The following RPIA variants were observed in gnomAD, a reference collection of about 807,000 sequenced individuals.
RPIA encodes ribose 5-phosphate isomerase A, also known as ribose-5-phosphate isomerase.
A neutral mutation model predicts 37.8 loss-of-function variants in RPIA; 29 were observed. The ratio of observed to expected loss-of-function variants is 0.77; its 90% confidence interval spans 0.57 to 1.05. RPIA has a LOEUF of 1.05. Ranked by LOEUF, RPIA falls within the 50% of genes least tolerant of loss-of-function variation. RPIA has a pLI of 0.00. For synonymous variants in RPIA, 167 were observed against 157.0 expected, an observed-to-expected ratio of 1.06 and a Z score of -0.48; for missense variants, 385 against 413.6, an observed-to-expected ratio of 0.93 and a Z score of 0.60.
intron 3 of RPIA, among the ~76,000 whole-genome samples, chr2:88,711,299 A>G (rs1019161695): frequency 2.0e-5 from 3 of 152,238 alleles, no homozygotes; most frequent in Non-Finnish European, 4.4e-5. Flanking sequence ...TATACGTTTT[A>G]GGGAAACATA....
chr2:88,735,559 T>A (rs779501723), intron 5 of RPIA, 110 bp from the exon 6 acceptor site: 9 of 986,264 alleles, frequency 9.1e-6, no homozygotes, highest in African/African-American at 3.2e-5. Context: ...AAAAGTTAAG[T>A]TTCTCTTTAA....
intron 4 of RPIA, 75 bp from the exon 5 acceptor site, chr2:88,734,477 G>C: frequency 7.4e-7 from 1 of 1,358,750 alleles, no homozygotes; most frequent in Admixed American, 1.7e-5. Context: ...TATCTGATGA[G>C]CTATCGCATG....
intron 3 of RPIA, among the ~76,000 whole-genome samples, chr2:88,704,723 G>A (rs1002069286): frequency 2.6e-5 from 4 of 152,140 alleles, no homozygotes; most frequent in African/African-American, 9.7e-5. Flanking sequence ...TTCTGGCCGG[G>A]GCCATCAGGC....
chr2:88,726,366 ATT>A (rs558180365), intron 3 of RPIA, among the ~76,000 whole-genome samples: 1 of 146,162 alleles, frequency 6.8e-6, no homozygotes. Flanking sequence ...TTTTTTTGTG[ATT>A]TTTTTTTTTT....
chr2:88,691,682 C>G lies in RPIA; in HGVS notation c.-17C>G, dbSNP rs776488875. ...CCGGGGGCGGGACTTCAGCGGAGGC[C>G]GGAGCGAGGCGTCGGGATGCAGCGC... On this transcript the variant is annotated 5_prime_UTR_variant, in exon 1 of 9. Coordinates refer to ENST00000283646, the MANE Select transcript of RPIA (RefSeq NM_144563.3). 5.4e-5 allele frequency: 85 copies of G among 1,567,238 alleles called. 1 individual carries two copies. Among genetic ancestry groups the G allele is most frequent in the Middle Eastern group, 2.3e-4 (1 of 4,288 alleles).
At chr2:88,695,794 A>G (rs1369057556) in intron 1 of RPIA, among the ~76,000 whole-genome samples, 3 of 152,198 alleles carry the variant, frequency 2.0e-5, no homozygotes, top group Non-Finnish European at 4.4e-5. Context: ...GTGCCTTTGG[A>G]ACTGTGAGCT....
In RPIA at chr2:88,736,598, G is replaced by A; in HGVS notation, c.660G>A (p.Met220Ile). Reference protein sequence around the residue: ...HKGIPIEVIPMAYVPVSRAVS... With the variant: ...HKGIPIEVIPIAYVPVSRAVS... Reference sequence around the variant, plus strand: ...GAATCCCCATCGAGGTCATCCCAATGGCCTATGTCCCAGTGAGCCGAGCTG... The same window carrying A: ...GAATCCCCATCGAGGTCATCCCAATAGCCTATGTCCCAGTGAGCCGAGCTG... Residue 220 changes from methionine (M) to isoleucine (I), a missense_variant, in exon 7 of 9, where the codon ATG (methionine) becomes ATA (isoleucine). This residue lies in a region of RPIA where 153 missense variants were observed against 210.6 expected (regional missense o/e 0.73). Transcript: ENST00000283646. 1 of 1,614,114 alleles carries A rather than the reference G, an allele frequency of 6.2e-7. No homozygotes were observed. Among genetic ancestry groups the A allele is most frequent in the Non-Finnish European group, 8.5e-7 (1 of 1,180,024 alleles).
At position 88,699,251 on chromosome 2, in the gene RPIA, T is replaced by C. The variant is rs369352073; in HGVS notation, c.346+707T>C. Reference sequence around the variant, plus strand: ...TGGCCAAATAGGAGCTTTTGTGTTATATACCTTTCAATCTTAACCAAGTAT... The same window carrying C: ...TGGCCAAATAGGAGCTTTTGTGTTACATACCTTTCAATCTTAACCAAGTAT... On this transcript the variant is annotated intron_variant, in intron 2 of 8. Transcript: ENST00000283646. Among the ~76,000 whole-genome samples the C allele has an allele frequency of 2.6e-4, 39 of 152,358 alleles. 2 individuals carry two copies. The South Asian group carries it at 5.4e-3, about 21-fold the overall frequency.
chr2:88,691,841 A>T lies in RPIA; in HGVS notation c.143A>T (p.Gln48Leu), dbSNP rs374258361. The T allele has an allele frequency of 2.5e-6, 4 of 1,599,154 alleles. No individual in the cohort carries two copies. The highest frequency in any genetic ancestry group is 2.7e-5 in the African/African-American group (2 of 74,838). Residue 48 changes from glutamine (Q) to leucine (L), a missense_variant, in exon 1 of 9, where the codon CAG becomes CTG. Around this residue, in one of 2 missense-constraint regions of RPIA, gnomAD observed 232 missense variants for 203.0 expected, o/e 1.14. Coordinates refer to ENST00000283646, the MANE Select transcript of RPIA (RefSeq NM_144563.3). Reference sequence around the variant, plus strand: ...CACGTGCGGCTGCCGGGGCGTGCACAGTCTGGGACCCGTGGCGGTGCTGGC... The same window carrying T: ...CACGTGCGGCTGCCGGGGCGTGCACTGTCTGGGACCCGTGGCGGTGCTGGC... ...GSHVRLPGRA[Q>L]SGTRGGAGNT...
chr2:88,710,761 A>G (rs569624270), intron 3 of RPIA, among the ~76,000 whole-genome samples: 2 of 152,288 alleles, frequency 1.3e-5, no homozygotes, highest in South Asian at 4.1e-4. Flanking sequence ...AATAGCTTCA[A>G]CTTCAGATGT....
At chr2:88,740,185 C>T (rs1055586934) in intron 8 of RPIA, among the ~76,000 whole-genome samples, 1 of 152,160 alleles carries the variant, frequency 6.6e-6, no homozygotes, top group Non-Finnish European at 1.5e-5. Context: ...GGAGTTCTTG[C>T]AGTGCCCACT....
chr2:88,746,805 G>A (rs1351236002), intron 8 of RPIA, among the ~76,000 whole-genome samples: 3 of 152,318 alleles, frequency 2.0e-5, no homozygotes, highest in East Asian at 1.9e-4. Context: ...TGTTGCAGGC[G>A]GTGGAATTAG....
chr2:88,694,392 G>A (rs2104065329), intron 1 of RPIA, among the ~76,000 whole-genome samples: 1 of 152,350 alleles, frequency 6.6e-6, no homozygotes, highest in South Asian at 2.1e-4. Context: ...CCACCTGCCT[G>A]CTGGGGACTG....
intron 1 of RPIA, among the ~76,000 whole-genome samples, chr2:88,695,163 C>G (rs1044881044): frequency 6.6e-6 from 1 of 152,064 alleles, no homozygotes; most frequent in Non-Finnish European, 1.5e-5. Context: ...TCATCATAGC[C>G]TTTATAAGCT....
intron 3 of RPIA, among the ~76,000 whole-genome samples, chr2:88,702,810 T>G (rs373184976): frequency 1.3e-5 from 2 of 152,278 alleles, no homozygotes; most frequent in African/African-American, 4.8e-5. Context: ...CAGCATTAAC[T>G]CAAAAGTCCA....
chr2:88,749,933 T>C, intron 8 of RPIA, 48 bp from the exon 9 acceptor site: 4 of 1,398,224 alleles, frequency 2.9e-6, no homozygotes, highest in Non-Finnish European at 4.1e-6. Flanking sequence ...AGTCTCTTTT[T>C]GCTTTGGGAG....
chr2:88,692,087 C>G, intron 1 of RPIA, 104 bp downstream of exon 1: 1 of 1,428,744 alleles, frequency 7.0e-7, no homozygotes, highest in East Asian at 2.5e-5. Context: ...CCTGGCAGGG[C>G]GGGAGCTGAG....
intron 3 of RPIA, among the ~76,000 whole-genome samples, chr2:88,712,364 C>T (rs976585080): frequency 6.6e-6 from 1 of 152,150 alleles, no homozygotes; most frequent in African/African-American, 2.4e-5. Context: ...AATTCATAGG[C>T]CTAGTTTCTT....
chr2:88,734,698 A>T (rs907918406), intron 5 of RPIA, 82 bp downstream of exon 5: 31 of 1,412,306 alleles, frequency 2.2e-5, no homozygotes, highest in Non-Finnish European at 3.0e-5. Context: ...GAATAAACAA[A>T]TTGCCACTGT....
Sources: allele counts gnomAD v4.1 joint callset (sites outside exome capture counted in the v4.1 genomes callset), GRCh38; gene constraint gnomAD v4.1.1; regional missense constraint gnomAD v4.1.1; transcripts MANE v1.5; gene names NCBI Gene and HGNC (gene_info 2026-07-23, HGNC 2026-07-21).